The following SRP19 variants were observed in gnomAD, a reference collection of about 807,000 sequenced individuals.
SRP19 encodes signal recognition particle 19.
In SRP19, 11 loss-of-function variants were observed where a neutral mutation model predicts 22.4. That is an observed-to-expected ratio of 0.49 (90% CI 0.31 to 0.81). SRP19 has a LOEUF of 0.81. SRP19 is among the 40% of genes least tolerant of loss of function. SRP19 has a pLI of 0.05. For missense variants in SRP19, 168 were observed against 175.9 expected (o/e 0.96, Z 0.25); for synonymous variants, 61 against 57.6 (o/e 1.06, Z -0.27).
downstream of SRP19, among the ~76,000 whole-genome samples, chr5:112,873,456 C>T (rs1200115369): frequency 1.3e-5 from 2 of 150,866 alleles, no homozygotes; most frequent in Admixed American, 6.6e-5. Flanking sequence ...AAGCGATTCT[C>T]CTGCCTCAGC....
At chr5:112,863,300 T>C (rs938008174) in intron 2 of SRP19, among the ~76,000 whole-genome samples, 14 of 152,238 alleles carry the variant, frequency 9.2e-5, no homozygotes, top group African/African-American at 3.4e-4. Flanking sequence ...CACTGAACTT[T>C]AAGCTTTTGA....
intron 4 of SRP19, chr5:112,891,546 T>C: frequency 4.0e-6 from 6 of 1,505,262 alleles, no homozygotes; most frequent in Non-Finnish European, 3.6e-6. Flanking sequence ...AAAATATTCA[T>C]AAGTAGAATC....
At chr5:112,870,513 T>TTTG (rs1442781560), downstream of SRP19, among the ~76,000 whole-genome samples, 1 of 151,934 alleles carries the variant, frequency 6.6e-6, no homozygotes, top group East Asian at 1.9e-4. Context: ...ACTGAAAAGA[T>TTTG]TTGTCACAGA....
chr5:112,895,753 G>A (rs461866), downstream of SRP19: 62,729 of 151,972 alleles, frequency 0.41, 14,191 homozygotes, highest in African/African-American at 0.61. Context: ...TTCTTAATCT[G>A]TGTAACTATT....
downstream of SRP19, among the ~76,000 whole-genome samples, chr5:112,872,352 G>C (rs1767778630): frequency 9.9e-6 from 1 of 101,354 alleles, no homozygotes; most frequent in African/African-American, 3.4e-5. Context: ...TTTTGAGACA[G>C]AGTCTTATTC....
Position 112,868,173 on chromosome 5 carries a change from A to G in SRP19, c.*636A>G. On this transcript the variant is annotated 3_prime_UTR_variant, in exon 5 of 5. Transcript: ENST00000505459. ...AATTTGCTTATTTTGTAGGTTTAAG[A>G]ACATGATTTTCATGGGAGTTGTAAA... is the stretch of plus-strand genomic sequence containing the variant. The G allele has an allele frequency of 2.0e-6, 2 of 985,466 alleles. No homozygotes were observed. Among genetic ancestry groups the G allele is most frequent in the South Asian group, 9.4e-5 (2 of 21,288 alleles). The allele number at this position is 985,466 out of a possible 1,614,324, so 61.0% of individuals were successfully genotyped here.
intron 4 of SRP19, among the ~76,000 whole-genome samples, chr5:112,884,787 C>G (rs879862800): frequency 3.3e-5 from 5 of 151,724 alleles, no homozygotes; most frequent in Admixed American, 1.3e-4. Flanking sequence ...TGGCCCCCCC[C>G]CATCTTTCTA....
At chr5:112,880,769 T>C (rs564919656) in intron 4 of SRP19, among the ~76,000 whole-genome samples, 2 of 152,152 alleles carry the variant, frequency 1.3e-5, no homozygotes, top group East Asian at 3.9e-4. Flanking sequence ...TAGACAGAAA[T>C]GACATCACCA....
chr5:112,871,982 C>G (rs1020537804), downstream of SRP19, among the ~76,000 whole-genome samples: 8 of 152,162 alleles, frequency 5.3e-5, no homozygotes, highest in African/African-American at 1.9e-4. Context: ...AATCTGTTAT[C>G]AGAATTATAT....
chr5:112,865,360 GT>G, intron 4 of SRP19: 1 of 152,168 alleles, frequency 6.6e-6, no homozygotes, highest in Admixed American at 6.5e-5. Flanking sequence ...CATCTCTAGT[GT>G]TTTATTTTAT....
downstream of SRP19, among the ~76,000 whole-genome samples, chr5:112,874,000 CA>C (rs908390339): frequency 4.7e-5 from 7 of 148,626 alleles, no homozygotes; most frequent in African/African-American, 7.4e-5. Flanking sequence ...TCCCTCTCTA[CA>C]AAAAAAAATA....
At chr5:112,862,786 T>C (rs1390505315) in intron 2 of SRP19, among the ~76,000 whole-genome samples, 2 of 151,848 alleles carry the variant, frequency 1.3e-5, no homozygotes, top group African/African-American at 4.8e-5. Context: ...GATATTTTTT[T>C]AACGTCTCTT....
Position 112,864,460 on chromosome 5 carries a change from G to C in SRP19, c.121G>C (p.Val41Leu), listed in dbSNP as rs920228571. 1.2e-6 allele frequency: 2 copies of C among 1,613,092 alleles called. No individual in the cohort carries two copies. The highest frequency in any genetic ancestry group is 2.7e-5 in the African/African-American group (2 of 74,896). The change falls in exon 3 of 5, where the codon GTT (valine) becomes CTT (leucine). Residue 41 changes from valine (V) to leucine (L), a missense_variant. Physicochemically the swap from Val to Leu is conservative, Grantham distance 32. Transcript: ENST00000505459. Reference sequence around the variant, plus strand: ...GTTTATGTTTTTAACTGTTCAGGCTGTTGAAAATCCTACAGCTACAGAGAT... The same window carrying C: ...GTTTATGTTTTTAACTGTTCAGGCTCTTGAAAATCCTACAGCTACAGAGAT... ...EGRRIPISKA[V>L]ENPTATEIQD... is the part of the protein sequence containing the mutation.
exon 5 of SRP19, chr5:112,891,951 G>A: frequency 8.0e-7 from 1 of 1,247,326 alleles, no homozygotes; most frequent in Non-Finnish European, 1.2e-6. Context: ...CTAAAAAATG[G>A]CTAGAAGAAC....
chr5:112,887,310 G>A (rs1243149271), intron 4 of SRP19: 15 of 869,320 alleles, frequency 1.7e-5, no homozygotes, highest in Non-Finnish European at 2.2e-5. Context: ...GGCATTACCA[G>A]TGTTTTCTGC....
At chr5:112,874,061 G>T (rs542927344), downstream of SRP19, among the ~76,000 whole-genome samples, 2 of 152,250 alleles carry the variant, frequency 1.3e-5, no homozygotes, top group East Asian at 1.9e-4. Context: ...AGCTACTCTG[G>T]AGGCTGAGGC....
At chr5:112,886,667 A>T (rs1768257810) in intron 4 of SRP19, among the ~76,000 whole-genome samples, 1 of 152,236 alleles carries the variant, frequency 6.6e-6, no homozygotes, top group Non-Finnish European at 1.5e-5. Context: ...ATTTAAAACT[A>T]CCTATGTAAT....
At chr5:112,884,046 A>G (rs969304240) in intron 4 of SRP19, among the ~76,000 whole-genome samples, 1 of 152,168 alleles carries the variant, frequency 6.6e-6, no homozygotes, top group Admixed American at 6.5e-5. Context: ...TCACTGCAAG[A>G]ACCTTTTAAC....
chr5:112,892,569 C>T, exon 5 of SRP19: 2 of 1,614,110 alleles, frequency 1.2e-6, no homozygotes, highest in Non-Finnish European at 1.7e-6. Context: ...GCCCAGTGAC[C>T]CGGTGGAAAA....
Sources: allele counts gnomAD v4.1 joint callset (sites outside exome capture counted in the v4.1 genomes callset), GRCh38; gene constraint gnomAD v4.1.1; transcripts MANE v1.5; gene names NCBI Gene and HGNC (gene_info 2026-07-23, HGNC 2026-07-21).